Variants in ADGRD1 observed in about 807,000 individuals in gnomAD.
ADGRD1 encodes the protein adhesion G protein-coupled receptor D1.
In ADGRD1, 77 loss-of-function variants were observed where a neutral mutation model predicts 113.4. The observed-to-expected ratio is 0.68, with a 90% CI of 0.57 to 0.82. The LOEUF (loss-of-function observed/expected upper bound fraction) is 0.82. ADGRD1 is among the 40% of genes least tolerant of loss of function. The pLI, the probability that ADGRD1 is intolerant of heterozygous loss-of-function variation, is 0.00. For missense variants in ADGRD1, 1,036 were observed against 1,139.1 expected (o/e 0.91, Z 1.30); for synonymous variants, 474 against 475.0 (o/e 1.00, Z 0.03).
intron 13 of ADGRD1, among the ~76,000 whole-genome samples, chr12:131,018,491 T>C (rs1316020359): frequency 6.6e-6 from 1 of 151,274 alleles, no homozygotes; most frequent in African/African-American, 2.4e-5. Flanking sequence ...AAGCTCCACC[T>C]CGGGTCGGCC....
At chr12:131,124,797 G>C (rs2136070800) in intron 20 of ADGRD1, among the ~76,000 whole-genome samples, 1 of 152,316 alleles carries the variant, frequency 6.6e-6, no homozygotes, top group Non-Finnish European at 1.5e-5. Context: ...ATAAGGCAGG[G>C]AAATGGCTTT....
At chr12:131,108,909 G>A (rs769720310) in intron 18 of ADGRD1, 32 bp downstream of exon 18, 2 of 1,394,214 alleles carry the variant, frequency 1.4e-6, no homozygotes, top group Non-Finnish European at 2.0e-6. Flanking sequence ...GGATGGCGGG[G>A]CGGGAGGGAC....
intron 15 of ADGRD1, among the ~76,000 whole-genome samples, chr12:131,091,152 G>A (rs539689686): frequency 1.3e-5 from 2 of 152,262 alleles, no homozygotes; most frequent in Admixed American, 1.3e-4. Context: ...GAGAAGGCAA[G>A]TTTTTCTTTT....
chr12:130,979,817 T>TCTCACACACACACACA (rs1491498051), intron 4 of ADGRD1, among the ~76,000 whole-genome samples: 12 of 53,842 alleles, frequency 2.2e-4, no homozygotes, highest in Non-Finnish European at 6.4e-4. Flanking sequence ...AGCTAGTGTC[T>TCTCACACACACACACA]CACACACACA....
chr12:131,125,933 A>G (rs540654740), intron 20 of ADGRD1, among the ~76,000 whole-genome samples: 2 of 152,372 alleles, frequency 1.3e-5, no homozygotes, highest in South Asian at 4.1e-4. Context: ...ATAGGTTTGC[A>G]GAGTACAGTT....
intron 20 of ADGRD1, among the ~76,000 whole-genome samples, chr12:131,125,298 C>T (rs1234717451): frequency 1.3e-5 from 2 of 152,142 alleles, no homozygotes; most frequent in Non-Finnish European, 2.9e-5. Context: ...CACCCCGTTC[C>T]CCCAAAGAAC....
At chr12:131,043,161 C>T (rs3892191) in intron 13 of ADGRD1, among the ~76,000 whole-genome samples, 4,296 of 152,294 alleles carry the variant, frequency 0.028, 93 homozygotes, top group Middle Eastern at 0.082. Context: ...GGGTCCTGTG[C>T]ACCCTGGAGC....
chr12:131,062,757 T>A (rs1257373604), intron 13 of ADGRD1, among the ~76,000 whole-genome samples: 2 of 152,202 alleles, frequency 1.3e-5, no homozygotes, highest in African/African-American at 4.8e-5. Flanking sequence ...CTCGGATATG[T>A]CTTTATTAGC....
At position 131,022,555 on chromosome 12, in the gene ADGRD1, G is replaced by T. The variant is rs1321908793; in HGVS notation, c.1473+8215G>T. On this transcript the variant is annotated intron_variant, in intron 13 of 24. Coordinates refer to ENST00000261654, the MANE Select transcript of ADGRD1 (RefSeq NM_198827.5). This position sits in a 1 kb window ranked among gnomAD's most constrained non-coding sequence, Gnocchi z 4.6. Reference sequence around the variant, plus strand: ...GGGGTACTATTTCATCCCACAGGGCGCTGTCCGGCTCTATCATTACGGATT... The same window carrying T: ...GGGGTACTATTTCATCCCACAGGGCTCTGTCCGGCTCTATCATTACGGATT... 6.6e-6 allele frequency among the ~76,000 whole-genome samples: 1 copy of T among 152,170 alleles called. No individual in the cohort carries two copies.
At chr12:130,997,147 A>C (rs967791118) in intron 8 of ADGRD1, among the ~76,000 whole-genome samples, 42 of 61,376 alleles carry the variant, frequency 6.8e-4, no homozygotes, top group Admixed American at 1.4e-3. Flanking sequence ...CTGATCCCCC[A>C]CCTCCCTCCC....
intron 22 of ADGRD1, among the ~76,000 whole-genome samples, 179 bp downstream of exon 22, chr12:131,136,342 C>T (rs187207139): frequency 6.6e-6 from 1 of 152,090 alleles, no homozygotes; most frequent in Non-Finnish European, 1.5e-5. Flanking sequence ...CTGCAGGATC[C>T]TGACCCCTTC....
rs540019632 is a variant in ADGRD1 at position 131,049,306 on chromosome 12, T to TG, written c.1474-27494dup. 3.3e-3 allele frequency among the ~76,000 whole-genome samples: 510 copies of TG among 152,312 alleles called. 2 individuals are homozygous for TG. Among genetic ancestry groups the TG allele is most frequent in the African/African-American group, 0.012 (485 of 41,578 alleles). On this transcript the variant is annotated intron_variant, in intron 13 of 24. Transcript: ENST00000261654. ...GGGGGGCAGGTTGTGAGCCCTGCGC[T>TG]GTCAGGCATGGCCCTGATACCCGTC...
intron 13 of ADGRD1, among the ~76,000 whole-genome samples, chr12:131,046,439 C>CTT (rs1882790735): frequency 5.7e-5 from 4 of 70,794 alleles, no homozygotes; most frequent in African/African-American, 3.2e-4. Context: ...TGGTCAGTGT[C>CTT]CTCTCTCCCT....
Position 131,073,929 on chromosome 12 carries a change from G to T in ADGRD1, c.1474-2872G>T, listed in dbSNP as rs143173952. Among the ~76,000 whole-genome samples the T allele has an allele frequency of 1.2e-4, 18 of 152,038 alleles. No homozygotes were observed. In the East Asian group the frequency reaches 1.9e-3, roughly 16 times the overall value. On this transcript the variant is annotated intron_variant, in intron 13 of 24. Transcript: ENST00000261654. ...CTCATGACCCAGTTGCCACTTAAAG[G>T]CCCCATCTCCCAACACTGCTGCGTT...
chr12:131,091,580 C>T (rs527722259), intron 15 of ADGRD1, among the ~76,000 whole-genome samples: 5 of 152,340 alleles, frequency 3.3e-5, no homozygotes, highest in African/African-American at 1.2e-4. Flanking sequence ...TTTTGTAAAG[C>T]CACGCCAAAA....
chr12:131,083,175 A>G (rs1334743645), intron 14 of ADGRD1, among the ~76,000 whole-genome samples: 1 of 152,164 alleles, frequency 6.6e-6, no homozygotes, highest in Non-Finnish European at 1.5e-5. Flanking sequence ...AGAGCCTTTT[A>G]ATTTATTCGC....
chr12:130,966,502 T>C lies in ADGRD1; in HGVS notation c.143T>C (p.Leu48Pro). 1 of 1,610,840 alleles carries C rather than the reference T, an allele frequency of 6.2e-7. No individual in the cohort carries two copies. Among genetic ancestry groups the C allele is most frequent in the Non-Finnish European group, 8.5e-7 (1 of 1,177,010 alleles). Residue 48 changes from leucine to proline, a missense_variant, in exon 3 of 25, where the codon CTG becomes CCG. By Grantham distance (98) the Leu-to-Pro change is moderately conservative. Coordinates refer to ENST00000261654, the MANE Select transcript of ADGRD1 (RefSeq NM_198827.5). This position sits in a 1 kb window ranked among gnomAD's most constrained non-coding sequence, Gnocchi z 4.6. ...GCGTCTGCTTCCCATTACTGGCCAC[T>C]GGAGAATGTGGATGGGATCCATGAA... ...VLASASHYWP[L>P]ENVDGIHELQ...
intron 8 of ADGRD1, among the ~76,000 whole-genome samples, chr12:130,996,331 C>T (rs1875343341): frequency 7.4e-6 from 1 of 134,890 alleles, no homozygotes; most frequent in African/African-American, 2.7e-5. Context: ...CAGAGGGGCT[C>T]CTCACTTCCC....
chr12:131,119,893 C>T (rs549940480), intron 19 of ADGRD1, among the ~76,000 whole-genome samples: 23 of 152,250 alleles, frequency 1.5e-4, no homozygotes, highest in Admixed American at 9.8e-4. Flanking sequence ...TCTCCTGGTC[C>T]GGGAGGCTTT....
Sources: allele counts gnomAD v4.1 joint callset (sites outside exome capture counted in the v4.1 genomes callset), GRCh38; gene constraint gnomAD v4.1.1; non-coding constraint Gnocchi (gnomAD v3.1); transcripts MANE v1.5; gene names NCBI Gene and HGNC (gene_info 2026-07-23, HGNC 2026-07-21).